Variants in SLC24A3 observed in about 807,000 individuals in gnomAD.
The protein encoded by SLC24A3 is sodium/potassium/calcium exchanger 3.
SLC24A3 carries 28 observed loss-of-function variants against 75.8 expected under a neutral mutation model. The ratio of observed to expected loss-of-function variants is 0.37; its 90% confidence interval spans 0.27 to 0.51. The LOEUF is 0.51. SLC24A3 is among the 20% of genes least tolerant of loss of function. SLC24A3 has a pLI of 0.94. For missense variants in SLC24A3, 663 were observed against 847.8 expected (o/e 0.78, Z 2.71); for synonymous variants, 372 against 334.1 (o/e 1.11, Z -1.24).
chr20:19,505,530 A>T (rs1461104731), intron 2 of SLC24A3, among the ~76,000 whole-genome samples: 1 of 152,202 alleles, frequency 6.6e-6, no homozygotes, highest in Non-Finnish European at 1.5e-5. Context: ...TTCTGAGATG[A>T]TCCCAAATAT....
intron 3 of SLC24A3, among the ~76,000 whole-genome samples, chr20:19,547,123 C>G (rs6046171): frequency 0.88 from 134,390 of 152,186 alleles, 59,479 homozygotes; most frequent in Middle Eastern, 0.95. Context: ...TACATTGTGG[C>G]ATTATTTGAT....
At chr20:19,486,833 A>G (rs1035705619) in intron 2 of SLC24A3, among the ~76,000 whole-genome samples, 3 of 152,260 alleles carry the variant, frequency 2.0e-5, no homozygotes, top group African/African-American at 7.2e-5. Flanking sequence ...CAGACCCTGC[A>G]GAATCAATAA....
intron 2 of SLC24A3, among the ~76,000 whole-genome samples, chr20:19,446,232 A>G (rs899787037): frequency 1.3e-5 from 2 of 152,222 alleles, no homozygotes; most frequent in African/African-American, 4.8e-5. Context: ...GAGTTCTGGG[A>G]GCCTTTTAAT....
chr20:19,376,529 G>T (rs908312434), intron 2 of SLC24A3, among the ~76,000 whole-genome samples: 1 of 152,154 alleles, frequency 6.6e-6, no homozygotes, highest in Non-Finnish European at 1.5e-5. Flanking sequence ...CTGCGAGACA[G>T]ATTCCAATTC....
At chr20:19,213,057 G>C in intron 1 of SLC24A3, 73 bp downstream of exon 1, 1 of 1,139,958 alleles carries the variant, frequency 8.8e-7, no homozygotes, top group South Asian at 4.3e-5. Flanking sequence ...CTGGGCGCGG[G>C]GCTCCTTCGG....
intron 6 of SLC24A3, among the ~76,000 whole-genome samples, chr20:19,598,452 C>A (rs1237809530): frequency 2.0e-5 from 3 of 152,118 alleles, no homozygotes; most frequent in Non-Finnish European, 4.4e-5. Flanking sequence ...CTCCCCTGAC[C>A]CAACCAAGGG....
Position 19,557,492 on chromosome 20 carries a change from C to A in SLC24A3, c.349-22508C>A, listed in dbSNP as rs114137319. Among the ~76,000 whole-genome samples, 568 of 152,316 alleles carry A rather than the reference C, an allele frequency of 3.7e-3. 4 individuals carry two copies. The highest frequency in any genetic ancestry group is 0.02 in the East Asian group (103 of 5,182). ...CCCCTATGTCCATCTATTGACAAAT[C>A]ACTTCCTCAAACTCAGTAGCTGTCT... On this transcript the variant is annotated intron_variant, in intron 3 of 16. Transcript: ENST00000328041.
At chr20:19,279,266 G>A (rs976582224) in intron 1 of SLC24A3, among the ~76,000 whole-genome samples, 2 of 152,232 alleles carry the variant, frequency 1.3e-5, no homozygotes, top group African/African-American at 4.8e-5. Context: ...GGGCCCATGG[G>A]TTAGGCCCAC....
intron 3 of SLC24A3, among the ~76,000 whole-genome samples, chr20:19,526,450 G>A (rs1200293051): frequency 6.6e-5 from 10 of 152,200 alleles, no homozygotes; most frequent in Non-Finnish European, 1.5e-4. Flanking sequence ...ACAAGGAAAT[G>A]TTAGCTCTCA....
At chr20:19,238,950 A>G (rs1982248898) in intron 1 of SLC24A3, among the ~76,000 whole-genome samples, 1 of 132,848 alleles carries the variant, frequency 7.5e-6, no homozygotes, top group African/African-American at 3.1e-5. Flanking sequence ...CTCACCCAGC[A>G]CACACATGGG....
chr20:19,711,795 A>G (rs957978931), intron 15 of SLC24A3, among the ~76,000 whole-genome samples: 1 of 152,192 alleles, frequency 6.6e-6, no homozygotes, highest in African/African-American at 2.4e-5. Context: ...ACGCATCGCC[A>G]TGCCCAGCTA....
At chr20:19,607,986 A>G (rs950303972) in intron 6 of SLC24A3, among the ~76,000 whole-genome samples, 1 of 152,154 alleles carries the variant, frequency 6.6e-6, no homozygotes, top group Admixed American at 6.5e-5. Context: ...GCTTGTGCTT[A>G]TGTTGTTCTT....
At chr20:19,424,999 C>T (rs1986980944) in intron 2 of SLC24A3, among the ~76,000 whole-genome samples, 1 of 152,096 alleles carries the variant, frequency 6.6e-6, no homozygotes, top group South Asian at 2.1e-4. Flanking sequence ...ACCCGCAAAA[C>T]ATACCCGCTA....
intron 6 of SLC24A3, among the ~76,000 whole-genome samples, chr20:19,638,573 T>G (rs1356133109): frequency 6.6e-6 from 1 of 152,196 alleles, no homozygotes; most frequent in Admixed American, 6.5e-5. Context: ...ATACAGACTT[T>G]ATTACATGCC....
At chr20:19,414,587 A>G (rs1986796945) in intron 2 of SLC24A3, among the ~76,000 whole-genome samples, 1 of 152,260 alleles carries the variant, frequency 6.6e-6, no homozygotes, top group South Asian at 2.1e-4. Flanking sequence ...TCAAAACCGT[A>G]AAGAGACTGG....
At chr20:19,678,340 AC>A (rs748490662) in intron 9 of SLC24A3, among the ~76,000 whole-genome samples, 11,859 of 96,606 alleles carry the variant, frequency 0.12, 882 homozygotes, top group African/African-American at 0.24. Context: ...CGGGGGGCTG[AC>A]CCCCCCCACC....
intron 2 of SLC24A3, among the ~76,000 whole-genome samples, chr20:19,356,767 G>A (rs1600445663): frequency 1.3e-5 from 2 of 152,020 alleles, no homozygotes; most frequent in African/African-American, 4.8e-5. Flanking sequence ...TGTTTCTTCC[G>A]ATAGATTTAC....
rs652351 is a variant in SLC24A3 at position 19,518,141 on chromosome 20, C to T, written c.348+2577C>T. On this transcript the variant is annotated intron_variant, in intron 3 of 16. Coordinates refer to ENST00000328041, the MANE Select transcript of SLC24A3 (RefSeq NM_020689.4). ...TGCTCAGAAATTTTTAAACAAACATCATTGGATGTAAGAACTGCTGGAAGG... is the reference window on the plus strand; with the variant it reads ...TGCTCAGAAATTTTTAAACAAACATTATTGGATGTAAGAACTGCTGGAAGG... 8.9e-3 allele frequency among the ~76,000 whole-genome samples: 1,351 copies of T among 152,318 alleles called. 14 individuals are homozygous for T. The highest frequency in any genetic ancestry group is 0.026 in the African/African-American group (1,068 of 41,576).
chr20:19,329,181 C>T (rs748786506), intron 2 of SLC24A3, among the ~76,000 whole-genome samples: 3 of 151,348 alleles, frequency 2.0e-5, no homozygotes, highest in African/African-American at 4.9e-5. Flanking sequence ...AGTTTTGCTA[C>T]AGAAAGGTGA....
Sources: gnomAD v4.1 joint callset for allele counts (sites outside exome capture counted in the v4.1 genomes callset) on GRCh38, gnomAD v4.1.1 for gene constraint, MANE v1.5 for transcripts, NCBI Gene and HGNC (gene_info 2026-07-23, HGNC 2026-07-21) for gene names.